GPC3: variants seen among roughly 807,000 people sequenced by gnomAD.
The protein encoded by GPC3 is glypican 3.
GPC3 carries 3 observed loss-of-function variants against 34.4 expected under a neutral mutation model. The observed-to-expected ratio is 0.09, with a 90% confidence interval of 0.04 to 0.23. GPC3 has a LOEUF of 0.23. Ranked by LOEUF, GPC3 falls within the 10% of genes least tolerant of loss-of-function variation. GPC3 has a pLI of 1.00. For synonymous variants in GPC3, 177 were observed against 174.0 expected (o/e 1.02, Z -0.13); for missense variants, 351 against 445.6 (o/e 0.79, Z 1.91).
chrX:133,654,046 C>T (rs2070627271), intron 6 of GPC3, among the ~76,000 whole-genome samples: 1 of 111,623 alleles, frequency 9.0e-6, no homozygotes, highest in Admixed American at 9.5e-5. Context: ...TAATTCTGCC[C>T]TTTAGCACAG....
intron 7 of GPC3, among the ~76,000 whole-genome samples, chrX:133,565,096 A>C (rs2069571409): frequency 8.9e-6 from 1 of 112,112 alleles, no homozygotes; most frequent in African/African-American, 3.2e-5. Context: ...TCTCCTTTTT[A>C]AACAAATATG....
At chrX:133,586,482 T>G (rs2069789592) in intron 7 of GPC3, among the ~76,000 whole-genome samples, 1 of 111,711 alleles carries the variant, frequency 9.0e-6, no homozygotes, top group Non-Finnish European at 1.9e-5. Context: ...GACCAAAACA[T>G]GAAAGCAGAT....
At chrX:133,616,124 G>A (rs977179932) in intron 6 of GPC3, among the ~76,000 whole-genome samples, 2 of 111,581 alleles carry the variant, frequency 1.8e-5, no homozygotes, top group Non-Finnish European at 3.8e-5. Flanking sequence ...CAAGTAACAC[G>A]ACTTTGTACA....
intron 6 of GPC3, among the ~76,000 whole-genome samples, chrX:133,650,457 C>CA (rs770442258): frequency 6.1e-5 from 6 of 97,669 alleles, no homozygotes; most frequent in African/African-American, 2.3e-4. Context: ...ACACACCCAC[C>CA]CACACACACA....
chrX:133,661,854 T>C lies in GPC3; in HGVS notation c.1293-4A>G, dbSNP rs760507742. 8.3e-7 allele frequency: 1 copy of C among 1,199,375 alleles called. No homozygotes were observed. The highest frequency in any genetic ancestry group is 1.8e-5 in the South Asian group (1 of 56,583). ...CCTTGCTGCCTTTTGGCTGTATCTG[T>C]AAAGGTGAAGGTAAAGAAAAGGTTT... On this transcript the variant is annotated splice_polypyrimidine_tract_variant and splice_region_variant and intron_variant, in intron 5 of 7. Coordinates refer to ENST00000370818, the MANE Select transcript of GPC3 (RefSeq NM_004484.4).
intron 7 of GPC3, among the ~76,000 whole-genome samples, chrX:133,582,881 C>CG (rs906019434): frequency 3.6e-5 from 4 of 110,675 alleles, no homozygotes; most frequent in African/African-American, 1.3e-4. Context: ...TGCTTGTAGC[C>CG]GGGGGGAGGG....
chrX:133,788,778 T>C (rs1015876299), intron 2 of GPC3, among the ~76,000 whole-genome samples: 9 of 99,448 alleles, frequency 9.0e-5, no homozygotes, highest in Non-Finnish European at 1.6e-4. Context: ...CTCCTCTTCT[T>C]TGTTTCTTCT....
intron 2 of GPC3, among the ~76,000 whole-genome samples, chrX:133,839,942 A>AT (rs1186404894): frequency 1.8e-5 from 2 of 108,732 alleles, no homozygotes; most frequent in Non-Finnish European, 3.8e-5. Context: ...AAAAAAAAAA[A>AT]AAAAGACATC....
At chrX:133,654,968 C>T (rs2070641154) in intron 6 of GPC3, among the ~76,000 whole-genome samples, 1 of 111,526 alleles carries the variant, frequency 9.0e-6, no homozygotes, top group Non-Finnish European at 1.9e-5. Flanking sequence ...GTATTTCCCT[C>T]CATTGCTCAA....
chrX:133,862,925 G>A (rs755367984), intron 2 of GPC3, among the ~76,000 whole-genome samples: 2 of 112,437 alleles, frequency 1.8e-5, no homozygotes, highest in Non-Finnish European at 3.8e-5. Context: ...GGGTAGTTTT[G>A]AGTTTGCATA....
chrX:133,661,755 A>G lies in GPC3; in HGVS notation c.1388T>C (p.Ile463Thr), dbSNP rs2124401790. The change falls in exon 6 of 8, where the codon ATT becomes ACT. Residue 463 changes from isoleucine (I) to threonine (T), a missense_variant. By Grantham distance (89) the Ile-to-Thr change is moderately conservative. Transcript: ENST00000370818. ...KGPEPVVSQI[I>T]DKLKHINQLL... The stretch of plus-strand genomic sequence containing the variant: ...CTGGTTAATGTGCTTCAGTTTGTCA[A>G]TAATTTGACTGACCACTGGCTCAGG... The G allele has an allele frequency of 8.4e-7, 1 of 1,191,630 alleles. No individual in the cohort carries two copies. The highest frequency in any genetic ancestry group is 2.2e-5 in the Admixed American group (1 of 45,326).
intron 6 of GPC3, among the ~76,000 whole-genome samples, chrX:133,647,426 C>T (rs1270677154): frequency 6.2e-5 from 7 of 112,181 alleles, no homozygotes; most frequent in Admixed American, 3.8e-4. Flanking sequence ...CAAGGCAGAG[C>T]GTCTTGGTGA....
chrX:133,786,219 C>A (rs752924519), intron 2 of GPC3, among the ~76,000 whole-genome samples: 1 of 111,460 alleles, frequency 9.0e-6, no homozygotes, highest in East Asian at 2.8e-4. Context: ...ATGGCGAAAC[C>A]TATCTCTACT....
chrX:133,714,782 T>C (rs1039215043), intron 3 of GPC3, among the ~76,000 whole-genome samples: 4 of 111,744 alleles, frequency 3.6e-5, no homozygotes, highest in African/African-American at 9.8e-5. Flanking sequence ...GAGAAGCATT[T>C]ATTCAAGAAA....
intron 5 of GPC3, among the ~76,000 whole-genome samples, chrX:133,682,699 G>T (rs771060996): frequency 9.0e-6 from 1 of 111,660 alleles, no homozygotes; most frequent in African/African-American, 3.3e-5. Context: ...GGGCGCGGTG[G>T]CTCACGCCTG....
chrX:133,687,720 C>T (rs1310644406), intron 5 of GPC3, among the ~76,000 whole-genome samples: 1 of 111,489 alleles, frequency 9.0e-6, no homozygotes, highest in East Asian at 2.8e-4. Flanking sequence ...GCCACCACGC[C>T]TGGCCTATCA....
rs145050456 is a variant in GPC3, at chrX:133,958,688, T to C, written c.176-5477A>G. The stretch of plus-strand genomic sequence containing the variant: ...GTAAACTACCAACGCCTGGCCAACA[T>C]GGCGAAACCCCATCTCTACTGAAAA... On this transcript the variant is annotated intron_variant, in intron 1 of 7. Transcript: ENST00000370818. Among the ~76,000 whole-genome samples the C allele has an allele frequency of 9.3e-3, 860 of 92,572 alleles. 15 individuals are homozygous for C. Among genetic ancestry groups the C allele is most frequent in the African/African-American group, 0.033 (822 of 24,553 alleles). 80.4% of individuals were successfully genotyped at this position (92,572 alleles called of 115,157 possible).
chrX:133,553,539 T>A (rs891523559), intron 7 of GPC3, among the ~76,000 whole-genome samples: 14 of 111,846 alleles, frequency 1.3e-4, no homozygotes, highest in Admixed American at 7.6e-4. Context: ...ATCAGCTTGG[T>A]GAAAAGCAAA....
intron 7 of GPC3, among the ~76,000 whole-genome samples, chrX:133,595,829 G>GA (rs756672399): frequency 3.6e-5 from 4 of 111,524 alleles, no homozygotes; most frequent in Non-Finnish European, 7.5e-5. Flanking sequence ...TTGTCTTTAT[G>GA]TAGGTCTTCA....
Sources: allele counts gnomAD v4.1 joint callset (sites outside exome capture counted in the v4.1 genomes callset), GRCh38; gene constraint gnomAD v4.1.1; transcripts MANE v1.5; gene names NCBI Gene and HGNC (gene_info 2026-07-23, HGNC 2026-07-21).